The following NCK1 variants were observed in gnomAD, a reference collection of about 807,000 sequenced individuals.
NCK1 encodes the protein SH2/SH3 adapter protein NCK1.
In NCK1, 19 loss-of-function variants were observed where a neutral mutation model predicts 36.6. That is an observed-to-expected ratio of 0.52 (90% confidence interval 0.36 to 0.76). The LOEUF (loss-of-function observed/expected upper bound fraction) is 0.76. NCK1 is among the 30% of genes least tolerant of loss of function. The probability of loss-of-function intolerance (pLI) is 0.00; values close to 1 mark genes in which losing one functional copy is unlikely to be tolerated. For missense variants in NCK1, 358 were observed against 445.6 expected (o/e 0.80, Z 1.77); for synonymous variants, 165 against 156.0 (o/e 1.06, Z -0.43).
intron 1 of NCK1, among the ~76,000 whole-genome samples, chr3:136,918,820 T>C (rs976283419): frequency 6.6e-6 from 1 of 152,232 alleles, no homozygotes; most frequent in Non-Finnish European, 1.5e-5. Flanking sequence ...TATTCATTCA[T>C]GTAACCTTTC....
rs771863858 is a variant in NCK1, at chr3:136,945,744, G to A, written c.388G>A (p.Gly130Arg). ...EREDELSLIK[G>R]TKVIVMEKCS... ...AGAGGATGAATTATCATTGATAAAG[G>A]GGACAAAGGTGATCGTCATGGAGAA... Residue 130 changes from glycine to arginine, a missense_variant, in exon 3 of 4, where the codon GGG becomes AGG. By Grantham distance (125) the Gly-to-Arg change is moderately radical (BLOSUM62 -2). Transcript: ENST00000481752. 6.2e-7 allele frequency: 1 copy of A among 1,614,094 alleles called. No homozygotes were observed. The highest frequency in any genetic ancestry group is 1.1e-5 in the South Asian group (1 of 91,084).
At chr3:136,879,140 A>AC (rs397760541) in intron 1 of NCK1, among the ~76,000 whole-genome samples, 2 of 151,824 alleles carry the variant, frequency 1.3e-5, no homozygotes, top group South Asian at 2.1e-4. Flanking sequence ...ACAAAAAAAA[A>AC]GGCTCAGTAG....
intron 1 of NCK1, among the ~76,000 whole-genome samples, chr3:136,886,226 A>G (rs893146086): frequency 1.3e-5 from 2 of 152,158 alleles, no homozygotes; most frequent in African/African-American, 4.8e-5. Context: ...TAACTTGGCT[A>G]TAGGTAGTAT....
chr3:136,890,265 C>T (rs992696603), intron 1 of NCK1, among the ~76,000 whole-genome samples: 3 of 152,058 alleles, frequency 2.0e-5, no homozygotes, highest in Non-Finnish European at 2.9e-5. Context: ...ACTGTCCGGC[C>T]GGCAGGGCCG....
chr3:136,912,139 G>C (rs1939840767), intron 1 of NCK1, among the ~76,000 whole-genome samples: 1 of 149,126 alleles, frequency 6.7e-6, no homozygotes, highest in African/African-American at 2.4e-5. Context: ...TCAAATTTGG[G>C]AAGTTTTTAG....
At chr3:136,870,743 A>G (rs372388356) in intron 1 of NCK1, among the ~76,000 whole-genome samples, 32 of 144,986 alleles carry the variant, frequency 2.2e-4, no homozygotes, top group Admixed American at 7.7e-4. Context: ...GCTTTTGTCT[A>G]CGTCTCACTT....
Position 136,940,408 on chromosome 3 carries a change from CA to C in NCK1, c.227-5173del, listed in dbSNP as rs1157807857. 2.0e-5 allele frequency among the ~76,000 whole-genome samples: 3 copies of C among 152,214 alleles called. No homozygotes were observed. The East Asian group carries it at 5.8e-4, about 29-fold the overall frequency. The stretch of plus-strand genomic sequence containing the variant: ...AGTATATTGAACTATTTTTCTCCCT[CA>C]ATTCTGTCATTTTTTGCTTTATATG... On this transcript the variant is annotated intron_variant, in intron 2 of 3. Coordinates refer to ENST00000481752, the MANE Select transcript of NCK1 (RefSeq NM_001291999.2).
intron 1 of NCK1, among the ~76,000 whole-genome samples, chr3:136,905,645 G>C (rs1254893223): frequency 1.3e-5 from 2 of 152,034 alleles, no homozygotes; most frequent in East Asian, 3.9e-4. Context: ...TCCCCCCTGA[G>C]ACAGGGTCTC....
intron 2 of NCK1, among the ~76,000 whole-genome samples, chr3:136,941,713 C>CAA (rs34767461): frequency 5.2e-4 from 78 of 150,878 alleles, no homozygotes; most frequent in Admixed American, 1.3e-3. Flanking sequence ...GGAGAATTTA[C>CAA]AAAAAAAAAC....
chr3:136,945,765 G>A lies in NCK1; in HGVS notation c.409G>A (p.Glu137Lys), dbSNP rs1425905946. 6.2e-7 allele frequency: 1 copy of A among 1,614,164 alleles called. No homozygotes were observed. Among genetic ancestry groups the A allele is most frequent in the Non-Finnish European group, 8.5e-7 (1 of 1,180,020 alleles). The part of the protein sequence containing the change: ...LIKGTKVIVM[E>K]KCSDGWWRGS... The stretch of plus-strand genomic sequence containing the variant: ...AAAGGGGACAAAGGTGATCGTCATG[G>A]AGAAATGCAGTGATGGGTGGTGGCG... The change falls in exon 3 of 4, where the codon GAG becomes AAG. Residue 137 changes from glutamate to lysine, a missense_variant. Physicochemically the swap from Glu to Lys is moderately conservative, Grantham distance 56. Around this residue, in one of 3 missense-constraint regions of NCK1, gnomAD observed 143 missense variants for 162.4 expected, o/e 0.88. Transcript: ENST00000481752.
At chr3:136,931,357 G>C (rs1940386101) in intron 2 of NCK1, among the ~76,000 whole-genome samples, 1 of 152,154 alleles carries the variant, frequency 6.6e-6, no homozygotes, top group African/African-American at 2.4e-5. Context: ...TATTATAGAA[G>C]TCTCTTATGC....
chr3:136,921,802 T>C (rs1940117368), intron 1 of NCK1, among the ~76,000 whole-genome samples: 2 of 152,200 alleles, frequency 1.3e-5, no homozygotes, highest in Admixed American at 1.3e-4. Context: ...TGTTTTGTTT[T>C]GAGACGGAGT....
At chr3:136,928,781 G>T (rs562177326) in intron 2 of NCK1, 1 of 145,328 alleles carries the variant, frequency 6.9e-6, no homozygotes. Context: ...TAGGGCCTGA[G>T]ACAGTGGAGC....
intron 1 of NCK1, among the ~76,000 whole-genome samples, chr3:136,916,304 A>G (rs1321286084): frequency 6.6e-6 from 1 of 152,234 alleles, no homozygotes; most frequent in Non-Finnish European, 1.5e-5. Flanking sequence ...GCAGCAATTA[A>G]TATGAAAAAT....
intron 1 of NCK1, among the ~76,000 whole-genome samples, chr3:136,890,730 A>G (rs1939220308): frequency 6.6e-6 from 1 of 152,226 alleles, no homozygotes; most frequent in Non-Finnish European, 1.5e-5. Context: ...TTATTGTGGT[A>G]AGATATGTGT....
At chr3:136,911,888 G>C (rs1205502910) in intron 1 of NCK1, among the ~76,000 whole-genome samples, 3 of 151,652 alleles carry the variant, frequency 2.0e-5, no homozygotes, top group African/African-American at 7.3e-5. Flanking sequence ...TCTCCCCTTT[G>C]GTAGTTAATT....
At chr3:136,904,124 G>A (rs1452893583) in intron 1 of NCK1, among the ~76,000 whole-genome samples, 1 of 151,898 alleles carries the variant, frequency 6.6e-6, no homozygotes, top group Non-Finnish European at 1.5e-5. Context: ...TAGTATCCTT[G>A]ACTGACAGTT....
In NCK1 at chr3:136,922,523, A is replaced by T. The variant is rs368977316; in HGVS notation, c.-18-5461A>T. ...GGAGTTGGAGTCATTATTCTAGGAT[A>T]TGGGGAAAAGATATGAACAAGCACT... On this transcript the variant is annotated intron_variant, in intron 1 of 3. Transcript: ENST00000481752. Among the ~76,000 whole-genome samples the T allele has an allele frequency of 1.6e-4, 24 of 152,280 alleles. No individual in the cohort carries two copies. The East Asian group carries it at 4.1e-3, about 26-fold the overall frequency.
Position 136,946,195 on chromosome 3 carries a change from A to G in NCK1, c.839A>G (p.Asn280Ser), listed in dbSNP as rs773408330. The part of the protein sequence containing the change: ...RPSLTGKFAG[N>S]PWYYGKVTRH... Reference sequence around the variant, plus strand: ...TCACTCACTGGAAAGTTTGCTGGCAATCCTTGGTATTATGGCAAAGTCACC... The same window carrying G: ...TCACTCACTGGAAAGTTTGCTGGCAGTCCTTGGTATTATGGCAAAGTCACC... Residue 280 changes from asparagine to serine, a missense_variant, in exon 3 of 4, where the codon AAT (asparagine) becomes AGT (serine). Physicochemically the swap from Asn to Ser is conservative, Grantham distance 46 (BLOSUM62 1). Transcript: ENST00000481752. The G allele has an allele frequency of 1.6e-5, 26 of 1,613,530 alleles. No homozygotes were observed. The highest frequency in any genetic ancestry group is 1.6e-4 in the Middle Eastern group (1 of 6,084).
Sources: gnomAD v4.1 joint callset for allele counts (sites outside exome capture counted in the v4.1 genomes callset) on GRCh38, gnomAD v4.1.1 for gene constraint, gnomAD v4.1.1 regional missense constraint, MANE v1.5 for transcripts, NCBI Gene and HGNC (gene_info 2026-07-23, HGNC 2026-07-21) for gene names.